The following TRIM7 variants were observed in gnomAD, a reference collection of about 807,000 sequenced individuals.
TRIM7 encodes the protein tripartite motif containing 7.
A neutral mutation model predicts 37.9 loss-of-function variants in TRIM7; 32 were observed. The ratio of observed to expected loss-of-function variants is 0.84; its 90% CI spans 0.64 to 1.13. TRIM7 has a LOEUF of 1.13. Among genes scored for constraint, TRIM7 ranks in the 50% most tolerant of loss-of-function variants. TRIM7 has a pLI of 0.00. For synonymous variants in TRIM7, 351 were observed against 321.3 expected, an observed-to-expected ratio of 1.09 and a Z score of -0.99; for missense variants, 732 against 714.0, an observed-to-expected ratio of 1.03 and a Z score of -0.29.
At position 181,195,725 on chromosome 5, in the gene TRIM7, GCA is replaced by G; in HGVS notation, c.1025-50_1025-49del. 3.3e-6 allele frequency: 5 copies of G among 1,506,292 alleles called. No homozygotes were observed. In the South Asian group the frequency reaches 6.7e-5, roughly 20 times the overall value. 93.3% of individuals were successfully genotyped at this position (1,506,292 alleles called of 1,614,324 possible). On this transcript the variant is annotated intron_variant, in intron 6 of 6. Transcript: ENST00000274773. The stretch of plus-strand genomic sequence containing the variant: ...ATGTCCCCACGCAGCCAGGCCCCTG[GCA>G]CAGTCTTTGCAGGGCCGCGCCCGAC...
At chr5:181,204,403 T>C in intron 1 of TRIM7, 186 bp downstream of exon 1, 1 of 1,186,392 alleles carries the variant, frequency 8.4e-7, no homozygotes, top group Non-Finnish European at 1.1e-6. Context: ...ATTGGTGATG[T>C]TGGGGGTGAC....
intron 2 of TRIM7, chr5:181,202,557 A>G (rs1757555548): frequency 7.0e-6 from 1 of 143,172 alleles, no homozygotes; most frequent in Non-Finnish European, 1.5e-5. Context: ...ATGGTGATTC[A>G]TGTTTGCTTA....
At chr5:181,201,463 A>G (rs917867959) in intron 2 of TRIM7, among the ~76,000 whole-genome samples, 3 of 152,170 alleles carry the variant, frequency 2.0e-5, no homozygotes, top group African/African-American at 7.2e-5. Context: ...TGCTGCAAAG[A>G]ACAGGTAGAG....
chr5:181,204,280 C>G (rs1030968185), intron 1 of TRIM7: 1 of 1,094,826 alleles, frequency 9.1e-7, no homozygotes, highest in African/African-American at 1.6e-5. Flanking sequence ...AGACGCAGAC[C>G]AGGCTAGAGG....
At position 181,203,558 on chromosome 5, in the gene TRIM7, C is replaced by G; in HGVS notation, c.605G>C (p.Ser202Thr). 1 of 1,614,186 alleles carries G rather than the reference C, an allele frequency of 6.2e-7. No homozygotes were observed. Among genetic ancestry groups the G allele is most frequent in the South Asian group, 1.1e-5 (1 of 91,072 alleles). Residue 202 changes from serine to threonine, a missense_variant, in exon 2 of 7, where the codon AGC becomes ACC. Physicochemically the swap from Ser to Thr is moderately conservative, Grantham distance 58. Transcript: ENST00000274773. ...EVFRSTEKKE[S>T]KELLKQMAAE... ...TGCCTGGCTCACCAGCAGCTCCTTG[C>G]TCTCCTTCTTTTCCGTGGACCGGAA...
intron 2 of TRIM7, 38 bp downstream of exon 2, chr5:181,203,507 G>A (rs2113092100): frequency 6.2e-7 from 1 of 1,613,036 alleles, no homozygotes; most frequent in Non-Finnish European, 8.5e-7. Flanking sequence ...TCAGGCCTCT[G>A]TAATGTCCCA....
intron 2 of TRIM7, chr5:181,202,488 ATTC>A (rs1309117919): frequency 6.7e-6 from 1 of 148,588 alleles, no homozygotes; most frequent in Non-Finnish European, 1.5e-5. Flanking sequence ...CAATCCTTTT[ATTC>A]TTTCAACACC....
intron 3 of TRIM7, 150 bp from the exon 4 acceptor site, chr5:181,199,267 GCTT>G: frequency 1.2e-6 from 1 of 809,086 alleles, no homozygotes; most frequent in Non-Finnish European, 2.1e-6. Flanking sequence ...AGGGGCAGCA[GCTT>G]CCAGTGGCTG....
chr5:181,200,439 G>T, intron 2 of TRIM7: 5 of 1,238,830 alleles, frequency 4.0e-6, no homozygotes, highest in Non-Finnish European at 1.0e-6. Flanking sequence ...GCAACCATAG[G>T]ATTAAACTGA....
At chr5:181,200,570 C>T (rs900337221) in intron 2 of TRIM7, 1 of 1,009,776 alleles carries the variant, frequency 9.9e-7, no homozygotes, top group African/African-American at 1.7e-5. Context: ...GCTCAAAATA[C>T]AAAACTTGGG....
intron 6 of TRIM7, 128 bp from the exon 7 acceptor site, chr5:181,195,805 G>A (rs1374845956): frequency 7.9e-6 from 10 of 1,268,344 alleles, no homozygotes; most frequent in African/African-American, 1.6e-5. Flanking sequence ...AGCACCCAGC[G>A]CCAAGGCCCA....
At chr5:181,199,189 C>G in intron 3 of TRIM7, 72 bp from the exon 4 acceptor site, 1 of 1,581,410 alleles carries the variant, frequency 6.3e-7, no homozygotes, top group Non-Finnish European at 8.7e-7. Flanking sequence ...ACAAAGCTTG[C>G]CCCTTGCTGT....
At position 181,204,655 on chromosome 5, in the gene TRIM7, G is replaced by C. The variant is rs775159405; in HGVS notation, c.456C>G (p.Cys152Trp). 2 of 1,504,308 alleles carry C rather than the reference G, an allele frequency of 1.3e-6. No homozygotes were observed. Among genetic ancestry groups the C allele is most frequent in the Admixed American group, 2.1e-5 (1 of 46,988 alleles). The allele number at this position is 1,504,308 out of a possible 1,614,324, so 93.2% of individuals were successfully genotyped here. Residue 152 changes from cysteine to tryptophan, a missense_variant, in exon 1 of 7, where the codon TGC (cysteine) becomes TGG (tryptophan). Transcript: ENST00000274773. ...QDDGRAICVVCDRAREHREHA... is the reference protein window; with the variant it reads ...QDDGRAICVVWDRAREHREHA... Reference sequence around the variant, plus strand: ...GCTCGCGGTGCTCGCGGGCGCGGTCGCACACCACGCAGATGGCGCGTCCGT... The same window carrying C: ...GCTCGCGGTGCTCGCGGGCGCGGTCCCACACCACGCAGATGGCGCGTCCGT...
Position 181,195,290 on chromosome 5 carries a change from G to T in TRIM7, c.1412C>A (p.Ala471Asp), listed in dbSNP as rs754219099. The T allele has an allele frequency of 1.9e-6, 3 of 1,605,098 alleles. No homozygotes were observed. Among genetic ancestry groups the T allele is most frequent in the African/African-American group, 1.3e-5 (1 of 74,758 alleles). ...VRVALDLEVG[A>D]VSFYAVEDMR... ...GTCCTCCACAGCGTAGAAGGACACGGCTCCCACCTCCAGGTCCAGGGCCAC... is the reference window on the plus strand; with the variant it reads ...GTCCTCCACAGCGTAGAAGGACACGTCTCCCACCTCCAGGTCCAGGGCCAC... Residue 471 changes from alanine (A) to aspartate (D), a missense_variant, in exon 7 of 7, where the codon GCC becomes GAC. By Grantham distance (126) the Ala-to-Asp change is moderately radical. Coordinates refer to ENST00000274773, the MANE Select transcript of TRIM7 (RefSeq NM_203293.3).
Position 181,203,587 on chromosome 5 carries a change from C to T in TRIM7, c.576G>A (p.Glu192=). The change falls in exon 2 of 7, where the codon GAG becomes GAA. Residue 192 remains glutamate (E), a synonymous_variant. Transcript: ENST00000274773. The part of the protein sequence containing the change: ...RVLKKELEDC[E]VFRSTEKKES... ...CCTTCTTTTCCGTGGACCGGAACAC[C>T]TCACAGTCCTCCAGTTCCTTCTTCA... The T allele has an allele frequency of 2.5e-6, 4 of 1,614,134 alleles. No individual in the cohort carries two copies. The highest frequency in any genetic ancestry group is 3.4e-6 in the Non-Finnish European group (4 of 1,180,020).
At chr5:181,200,895 C>T in intron 2 of TRIM7, 1 of 985,500 alleles carries the variant, frequency 1.0e-6, no homozygotes, top group Non-Finnish European at 1.2e-6. Context: ...TCCTACAATG[C>T]CCCCACCTTT....
chr5:181,199,556 G>T, intron 3 of TRIM7: 1 of 503,658 alleles, frequency 2.0e-6, no homozygotes. Flanking sequence ...TAGCGAAATA[G>T]AATAGAAAAC....
intron 2 of TRIM7, chr5:181,200,836 G>C (rs1228649910): frequency 1.0e-6 from 1 of 985,578 alleles, no homozygotes; most frequent in Non-Finnish European, 1.2e-6. Context: ...TAAAACTCCT[G>C]GGCGGAGGAA....
chr5:181,200,892 A>G lies in TRIM7; in HGVS notation c.619-811T>C, dbSNP rs146309455. The G allele has an allele frequency of 3.7e-3, 3,642 of 985,382 alleles. 9 individuals carry two copies. Among genetic ancestry groups the G allele is most frequent in the Non-Finnish European group, 4.2e-3 (3,498 of 829,934 alleles). 61.0% of individuals were successfully genotyped at this position (985,382 alleles called of 1,614,324 possible). A position where few individuals can be genotyped will look rare whatever the true frequency, so the allele number is the denominator to read the frequency against. On this transcript the variant is annotated intron_variant, in intron 2 of 6. Transcript: ENST00000274773. ...AGACCTGGGTTCAAGGTGTCCTACA[A>G]TGCCCCCACCTTTCCTTCAGCTTCC... is the stretch of plus-strand genomic sequence containing the variant.
Sources: allele counts gnomAD v4.1 joint callset (sites outside exome capture counted in the v4.1 genomes callset), GRCh38; gene constraint gnomAD v4.1.1; transcripts MANE v1.5; gene names NCBI Gene and HGNC (gene_info 2026-07-23, HGNC 2026-07-21).